Variants in LRCH3 observed in about 807,000 individuals in gnomAD.
LRCH3 encodes the protein leucine rich repeats and calponin homology domain containing 3.
LRCH3 carries 68 observed loss-of-function variants against 104.5 expected under a neutral mutation model. That is an observed-to-expected ratio of 0.65 (90% CI 0.54 to 0.80). The LOEUF (loss-of-function observed/expected upper bound fraction) is 0.80. LRCH3 is among the 30% of genes least tolerant of loss of function. The probability of loss-of-function intolerance (pLI) is 0.00; values close to 1 mark genes in which losing one functional copy is unlikely to be tolerated. For missense variants in LRCH3, 951 were observed against 953.9 expected (o/e 1.00, Z 0.04); for synonymous variants, 344 against 361.3 (o/e 0.95, Z 0.54).
At chr3:197,879,484 A>C (rs1297585113) in intron 20 of LRCH3, among the ~76,000 whole-genome samples, 2 of 151,174 alleles carry the variant, frequency 1.3e-5, no homozygotes, top group East Asian at 3.8e-4. Flanking sequence ...GTCTCTACTA[A>C]AAATACAAAA....
chr3:197,814,838 G>GA, intron 1 of LRCH3, 70 bp from the exon 2 acceptor site: 1 of 1,324,212 alleles, frequency 7.6e-7, no homozygotes, highest in Admixed American at 2.7e-5. Context: ...AGTTTATGTG[G>GA]AAAATCAAAA....
intron 6 of LRCH3, 52 bp from the exon 7 acceptor site, chr3:197,830,717 AT>A: frequency 6.8e-7 from 1 of 1,465,056 alleles, no homozygotes; most frequent in Non-Finnish European, 9.5e-7. Context: ...TTAATTTCAA[AT>A]TTTAATTGTT....
Position 197,814,940 on chromosome 3 carries a change from A to G in LRCH3, c.295A>G (p.Ile99Val), listed in dbSNP as rs371663104. 52 of 1,601,066 alleles carry G rather than the reference A, an allele frequency of 3.2e-5. 1 individual carries two copies. The highest frequency in any genetic ancestry group is 3.7e-5 in the Non-Finnish European group (43 of 1,175,680). The change falls in exon 2 of 21, where the codon ATA (isoleucine) becomes GTA (valine). Residue 99 changes from isoleucine to valine, a missense_variant. Physicochemically the swap from Ile to Val is conservative, Grantham distance 29. Transcript: ENST00000425562. The stretch of plus-strand genomic sequence containing the variant: ...GCGAAATCGCCTTTCAGAAATTCCT[A>G]TAGAAGCATGTCACTTTGTTTCTCT... ...LSRNRLSEIPIEACHFVSLEN... is the reference protein window; with the variant it reads ...LSRNRLSEIPVEACHFVSLEN...
intron 9 of LRCH3, among the ~76,000 whole-genome samples, chr3:197,836,400 C>T (rs1736796415): frequency 6.6e-6 from 1 of 152,160 alleles, no homozygotes; most frequent in Admixed American, 6.5e-5. Context: ...TACAGAATCT[C>T]TGCCAATTCC....
chr3:197,851,023 G>A lies in LRCH3; in HGVS notation c.1531-1538G>A, dbSNP rs1418342001. Reference sequence around the variant, plus strand: ...TTTCTTTTTATGAACAAGGAAACACGCTCAGAGAGAATAACAGTTTACTAA... The same window carrying A: ...TTTCTTTTTATGAACAAGGAAACACACTCAGAGAGAATAACAGTTTACTAA... On this transcript the variant is annotated intron_variant, in intron 12 of 20. Transcript: ENST00000425562. The A allele has an allele frequency of 3.0e-5, 23 of 761,010 alleles. 1 individual carries two copies. The highest frequency in any genetic ancestry group is 1.2e-4 in the Admixed American group (7 of 57,264). 47.1% of individuals were successfully genotyped at this position (761,010 alleles called of 1,614,324 possible).
intron 12 of LRCH3, 139 bp from the exon 13 acceptor site, chr3:197,852,422 C>A: frequency 1.3e-6 from 1 of 760,796 alleles, no homozygotes; most frequent in Non-Finnish European, 2.2e-6. Flanking sequence ...CATTTTCTAA[C>A]TAGTAAATCT....
intron 1 of LRCH3, among the ~76,000 whole-genome samples, chr3:197,804,919 G>C (rs1477437251): frequency 6.7e-6 from 1 of 150,118 alleles, no homozygotes; most frequent in Admixed American, 6.6e-5. Context: ...TTTTGAGACA[G>C]AGTCTCACTC....
intron 9 of LRCH3, among the ~76,000 whole-genome samples, chr3:197,837,919 G>T (rs959383646): frequency 6.6e-6 from 1 of 152,062 alleles, no homozygotes. Context: ...ACTTAGCTGG[G>T]TGTCATGGCA....
At chr3:197,846,549 AAAAAAAAAC>A (rs1432783550) in intron 10 of LRCH3, among the ~76,000 whole-genome samples, 4 of 151,332 alleles carry the variant, frequency 2.6e-5, no homozygotes, top group Admixed American at 6.6e-5. Context: ...AAAATTAAAA[AAAAAAAAAC>A]AAAAAAAACA....
chr3:197,830,737 A>G, intron 6 of LRCH3, 33 bp from the exon 7 acceptor site: 1 of 1,538,782 alleles, frequency 6.5e-7, no homozygotes, highest in South Asian at 1.2e-5. Flanking sequence ...TTAAAATAAC[A>G]AACTTTGCAG....
chr3:197,844,744 A>G (rs1209907525), intron 10 of LRCH3, among the ~76,000 whole-genome samples: 1 of 151,874 alleles, frequency 6.6e-6, no homozygotes, highest in Non-Finnish European at 1.5e-5. Flanking sequence ...CAGCCTTCTG[A>G]GTAGCTGGGA....
intron 19 of LRCH3, among the ~76,000 whole-genome samples, chr3:197,873,580 A>G (rs1712492973): frequency 6.6e-6 from 1 of 152,148 alleles, no homozygotes; most frequent in Non-Finnish European, 1.5e-5. Context: ...CCATCTCTAC[A>G]AAAATACTTA....
At chr3:197,852,717 A>G in intron 13 of LRCH3, 97 bp downstream of exon 13, 1 of 1,269,698 alleles carries the variant, frequency 7.9e-7, no homozygotes, top group Non-Finnish European at 1.1e-6. Flanking sequence ...TGCTCGGAAT[A>G]TTGCCATTTT....
At chr3:197,827,790 A>C (rs1252116976) in intron 5 of LRCH3, among the ~76,000 whole-genome samples, 1 of 152,136 alleles carries the variant, frequency 6.6e-6, no homozygotes, top group East Asian at 1.9e-4. Flanking sequence ...CATAAATGCT[A>C]GAGACAGGCC....
At chr3:197,811,151 G>T (rs528250474) in intron 1 of LRCH3, among the ~76,000 whole-genome samples, 1 of 152,172 alleles carries the variant, frequency 6.6e-6, no homozygotes, top group South Asian at 2.1e-4. Flanking sequence ...CTATGTTCTT[G>T]GTGTTTAAAC....
chr3:197,879,417 T>A (rs113710328), intron 20 of LRCH3, among the ~76,000 whole-genome samples: 43 of 151,162 alleles, frequency 2.8e-4, no homozygotes, highest in African/African-American at 1.0e-3. Flanking sequence ...GAGGCCGAGG[T>A]GGGCGGATCA....
In LRCH3 at chr3:197,814,277, G is replaced by A. The variant is rs544909133; in HGVS notation, c.263-631G>A. On this transcript the variant is annotated intron_variant, in intron 1 of 20. Coordinates refer to ENST00000425562, the MANE Select transcript of LRCH3 (RefSeq NM_001365715.1). Reference sequence around the variant, plus strand: ...AAAAGTGGAAACCCCTGATAAACCCGTAAGATCTCGTGAGACTTAGTCACT... The same window carrying A: ...AAAAGTGGAAACCCCTGATAAACCCATAAGATCTCGTGAGACTTAGTCACT... 4.6e-5 allele frequency among the ~76,000 whole-genome samples: 7 copies of A among 152,302 alleles called. No individual in the cohort carries two copies. In the South Asian group the frequency reaches 1.2e-3, roughly 27 times the overall value.
intron 12 of LRCH3, among the ~76,000 whole-genome samples, chr3:197,851,602 A>G (rs1200973248): frequency 2.6e-5 from 4 of 152,348 alleles, no homozygotes; most frequent in Middle Eastern, 3.4e-3. Context: ...TCAGAAAGCT[A>G]CTGAGCCATT....
intron 10 of LRCH3, among the ~76,000 whole-genome samples, chr3:197,843,230 C>G (rs3855889): frequency 0.11 from 16,959 of 151,990 alleles, 1,078 homozygotes; most frequent in African/African-American, 0.17. Context: ...TAGATAAAAC[C>G]TGGAAGTTTT....
Sources: gnomAD v4.1 joint callset for allele counts (sites outside exome capture counted in the v4.1 genomes callset) on GRCh38, gnomAD v4.1.1 for gene constraint, MANE v1.5 for transcripts, NCBI Gene and HGNC (gene_info 2026-07-23, HGNC 2026-07-21) for gene names.